Variants in ARHGAP12 observed in about 807,000 individuals in gnomAD.
ARHGAP12 encodes the protein Rho GTPase activating protein 12.
A neutral mutation model predicts 108.6 loss-of-function variants in ARHGAP12; 64 were observed. The ratio of observed to expected loss-of-function variants is 0.59; its 90% CI spans 0.48 to 0.73. The LOEUF is 0.73. Ranked by LOEUF, ARHGAP12 falls within the 30% of genes least tolerant of loss-of-function variation. ARHGAP12 has a pLI of 0.00. For synonymous variants in ARHGAP12, 312 were observed against 337.2 expected (o/e 0.93, Z 0.82); for missense variants, 940 against 1,005.9 (o/e 0.93, Z 0.89).
At chr10:31,922,256 T>A (rs1290526510) in intron 1 of ARHGAP12, among the ~76,000 whole-genome samples, 1 of 115,624 alleles carries the variant, frequency 8.6e-6, no homozygotes, top group African/African-American at 3.2e-5. Context: ...CTAGCCAAAC[T>A]AATGGGAACA....
At chr10:31,866,703 C>A (rs1175160136) in intron 3 of ARHGAP12, among the ~76,000 whole-genome samples, 2 of 152,042 alleles carry the variant, frequency 1.3e-5, no homozygotes, top group African/African-American at 4.8e-5. Context: ...ACAACCTCTG[C>A]CTCCCTGTTT....
intron 13 of ARHGAP12, among the ~76,000 whole-genome samples, 171 bp downstream of exon 13, chr10:31,817,613 ATCAT>A (rs1835253761): frequency 6.6e-6 from 1 of 152,210 alleles, no homozygotes; most frequent in Non-Finnish European, 1.5e-5. Flanking sequence ...AGAATGTTAA[ATCAT>A]TCACCAGCCC....
At chr10:31,888,824 A>G (rs1838287440) in intron 3 of ARHGAP12, among the ~76,000 whole-genome samples, 1 of 152,194 alleles carries the variant, frequency 6.6e-6, no homozygotes, top group Non-Finnish European at 1.5e-5. Flanking sequence ...AGAAAAAGAG[A>G]GATTAATTTA....
At chr10:31,860,002 G>C (rs12253196) in intron 4 of ARHGAP12, among the ~76,000 whole-genome samples, 2 of 152,074 alleles carry the variant, frequency 1.3e-5, no homozygotes, top group East Asian at 1.9e-4. Flanking sequence ...GGCTGGTTTC[G>C]AACTCCTGAC....
At chr10:31,846,043 G>A (rs76184093) in intron 6 of ARHGAP12, among the ~76,000 whole-genome samples, 3,617 of 151,960 alleles carry the variant, frequency 0.024, 155 homozygotes, top group African/African-American at 0.081. Flanking sequence ...TGAGCCTCTC[G>A]TTATACTTTT....
chr10:31,910,150 A>G (rs1839287050), intron 2 of ARHGAP12, among the ~76,000 whole-genome samples: 2 of 152,186 alleles, frequency 1.3e-5, no homozygotes, highest in Admixed American at 6.5e-5. Flanking sequence ...GAGAATAAAA[A>G]TAACTGTCTG....
At chr10:31,847,827 T>C (rs1836520599) in intron 6 of ARHGAP12, among the ~76,000 whole-genome samples, 1 of 152,172 alleles carries the variant, frequency 6.6e-6, no homozygotes, top group Non-Finnish European at 1.5e-5. Flanking sequence ...CTGGGCTTCA[T>C]AACATGTTCT....
chr10:31,836,956 T>C (rs1836044672), intron 9 of ARHGAP12, among the ~76,000 whole-genome samples: 1 of 151,998 alleles, frequency 6.6e-6, no homozygotes, highest in South Asian at 2.1e-4. Flanking sequence ...AAAAAAAGAT[T>C]GAAACAGAAG....
chr10:31,869,599 A>T (rs576317878), intron 3 of ARHGAP12, among the ~76,000 whole-genome samples: 2 of 152,294 alleles, frequency 1.3e-5, no homozygotes, highest in South Asian at 4.1e-4. Context: ...AAACAAAGTT[A>T]ATTTTATGGG....
chr10:31,897,566 C>A (rs904873426), intron 3 of ARHGAP12, among the ~76,000 whole-genome samples: 5 of 152,084 alleles, frequency 3.3e-5, no homozygotes, highest in African/African-American at 9.7e-5. Context: ...TAAGGAAAAT[C>A]TCTTAGAGAC....
chr10:31,927,587 C>A (rs979981608), intron 1 of ARHGAP12, among the ~76,000 whole-genome samples: 1 of 152,142 alleles, frequency 6.6e-6, no homozygotes, highest in Non-Finnish European at 1.5e-5. Flanking sequence ...CAAAAGCCAG[C>A]CACAACCAAT....
At chr10:31,897,728 G>A (rs1188208386) in intron 3 of ARHGAP12, among the ~76,000 whole-genome samples, 3 of 152,102 alleles carry the variant, frequency 2.0e-5, no homozygotes, top group East Asian at 3.8e-4. Flanking sequence ...AAAATTGCAA[G>A]GCATGCCAAA....
chr10:31,856,603 A>G (rs1262616325), intron 4 of ARHGAP12, among the ~76,000 whole-genome samples: 3 of 152,310 alleles, frequency 2.0e-5, no homozygotes, highest in Admixed American at 2.0e-4. Flanking sequence ...GCTTGTAAAA[A>G]CTAAAGCTAA....
intron 4 of ARHGAP12, among the ~76,000 whole-genome samples, chr10:31,856,358 A>G (rs777086437): frequency 1.3e-5 from 2 of 152,158 alleles, no homozygotes; most frequent in Non-Finnish European, 2.9e-5. Flanking sequence ...GTGTTAGAGA[A>G]CTGAACTCAG....
At chr10:31,851,185 T>C (rs1224618345) in intron 6 of ARHGAP12, among the ~76,000 whole-genome samples, 3 of 152,170 alleles carry the variant, frequency 2.0e-5, no homozygotes, top group Non-Finnish European at 4.4e-5. Context: ...AATCCTATTG[T>C]ATAAATGTAA....
chr10:31,898,064 C>CA (rs957772605), intron 3 of ARHGAP12, among the ~76,000 whole-genome samples: 2 of 152,112 alleles, frequency 1.3e-5, no homozygotes, highest in African/African-American at 4.8e-5. Context: ...GTCAAGGCTG[C>CA]AGTGAGCCAT....
chr10:31,896,097 G>A (rs1431844831), intron 3 of ARHGAP12, among the ~76,000 whole-genome samples: 1 of 152,004 alleles, frequency 6.6e-6, no homozygotes, highest in Non-Finnish European at 1.5e-5. Flanking sequence ...TGTGGGGTGG[G>A]GGGAGCGGGG....
At chr10:31,904,161 A>C (rs546351065) in intron 3 of ARHGAP12, among the ~76,000 whole-genome samples, 6 of 152,370 alleles carry the variant, frequency 3.9e-5, no homozygotes, top group Non-Finnish European at 8.8e-5. Context: ...CTGTACAGAA[A>C]TGTTTACAGC....
intron 6 of ARHGAP12, among the ~76,000 whole-genome samples, chr10:31,849,675 T>C (rs948303998): frequency 6.6e-6 from 1 of 152,220 alleles, no homozygotes; most frequent in Non-Finnish European, 1.5e-5. Context: ...CTCTTCTCCA[T>C]ATCCAATTTA....
Sources: gnomAD v4.1 joint callset for allele counts (sites outside exome capture counted in the v4.1 genomes callset) on GRCh38, gnomAD v4.1.1 for gene constraint, MANE v1.5 for transcripts, NCBI Gene and HGNC (gene_info 2026-07-23, HGNC 2026-07-21) for gene names.